The following PREX2 variants were observed in gnomAD, a reference collection of about 807,000 sequenced individuals.
PREX2 encodes phosphatidylinositol 3,4,5-trisphosphate-dependent Rac exchanger 2 protein.
PREX2 carries 107 observed loss-of-function variants against 203.2 expected under a neutral mutation model. That is an observed-to-expected ratio of 0.53 (90% confidence interval 0.45 to 0.62). The LOEUF (loss-of-function observed/expected upper bound fraction) is 0.62, where lower values mean the gene tolerates loss of function less well. PREX2 is among the 20% of genes least tolerant of loss of function. The pLI is 0.00. For synonymous variants in PREX2, 672 were observed against 663.6 expected, an observed-to-expected ratio of 1.01 and a Z score of -0.19; for missense variants, 1,777 against 1,955.9, an observed-to-expected ratio of 0.91 and a Z score of 1.72.
At chr8:68,181,211 G>A (rs1025783949) in intron 35 of PREX2, among the ~76,000 whole-genome samples, 2 of 152,022 alleles carry the variant, frequency 1.3e-5, no homozygotes, top group African/African-American at 2.4e-5. Flanking sequence ...ACCTTTGATC[G>A]GTCTGTTCAT....
At chr8:68,128,901 G>A (rs777414942) in intron 31 of PREX2, among the ~76,000 whole-genome samples, 1 of 152,138 alleles carries the variant, frequency 6.6e-6, no homozygotes, top group Non-Finnish European at 1.5e-5. Flanking sequence ...AACCAACAAG[G>A]CTTTTTTATT....
intron 14 of PREX2, among the ~76,000 whole-genome samples, chr8:68,076,453 T>C (rs1809351607): frequency 6.7e-6 from 1 of 148,862 alleles, no homozygotes; most frequent in South Asian, 2.2e-4. Context: ...TGAGACTCCA[T>C]CTTAAAAAAA....
chr8:67,978,374 C>T (rs980755857), intron 1 of PREX2, among the ~76,000 whole-genome samples: 6 of 152,192 alleles, frequency 3.9e-5, no homozygotes, highest in African/African-American at 1.4e-4. Flanking sequence ...TCCCTTTCAG[C>T]AACAGCCATC....
chr8:68,184,267 A>G (rs1052522879), intron 35 of PREX2, among the ~76,000 whole-genome samples: 1 of 152,126 alleles, frequency 6.6e-6, no homozygotes, highest in Non-Finnish European at 1.5e-5. Context: ...AGAATTTTTT[A>G]TAGATTTATA....
intron 35 of PREX2, among the ~76,000 whole-genome samples, chr8:68,165,234 A>G (rs1436307139): frequency 1.3e-5 from 2 of 152,028 alleles, no homozygotes. Context: ...TTTAAAGAAA[A>G]TGGTCGGATC....
chr8:68,106,193 C>T (rs1810406929), intron 23 of PREX2: 4 of 408,038 alleles, frequency 9.8e-6, no homozygotes, highest in Non-Finnish European at 1.4e-5. Context: ...ATGGTGGATG[C>T]TGTTACCTAA....
rs1241153436 is a variant in PREX2, at chr8:68,127,436, TA to T, written c.3766+18del. On this transcript the variant is annotated intron_variant, in intron 31 of 39. Coordinates refer to ENST00000288368, the MANE Select transcript of PREX2 (RefSeq NM_024870.4). ...AATATTCAGGTAACATTTTGCATTT[TA>T]TTTTTTTTTACTATTTAAGTGATTG... 6.3e-7 allele frequency: 1 copy of T among 1,589,994 alleles called. No individual in the cohort carries two copies. The highest frequency in any genetic ancestry group is 1.3e-5 in the African/African-American group (1 of 74,404).
intron 4 of PREX2, among the ~76,000 whole-genome samples, chr8:68,025,197 T>A (rs1468560301): frequency 6.6e-6 from 1 of 151,924 alleles, no homozygotes; most frequent in East Asian, 1.9e-4. Flanking sequence ...CTCAGTCTTT[T>A]TTTTTATTTT....
intron 1 of PREX2, among the ~76,000 whole-genome samples, chr8:67,982,795 CAG>C (rs1299964752): frequency 2.0e-5 from 3 of 152,126 alleles, no homozygotes; most frequent in African/African-American, 7.2e-5. Flanking sequence ...AATGGGATTA[CAG>C]TTTCTTTTAA....
At chr8:68,039,806 C>G (rs142419938) in intron 7 of PREX2, among the ~76,000 whole-genome samples, 2 of 152,256 alleles carry the variant, frequency 1.3e-5, no homozygotes, top group African/African-American at 2.4e-5. Flanking sequence ...TTACAAACAT[C>G]TCTCCACATC....
chr8:67,962,529 T>C (rs1033544188), intron 1 of PREX2, among the ~76,000 whole-genome samples: 53 of 151,768 alleles, frequency 3.5e-4, no homozygotes, highest in Non-Finnish European at 6.8e-4. Context: ...GGGCTTTCAT[T>C]TTCTATACTG....
intron 23 of PREX2, among the ~76,000 whole-genome samples, chr8:68,107,907 G>A (rs1191754289): frequency 2.0e-5 from 3 of 152,170 alleles, no homozygotes; most frequent in Non-Finnish European, 4.4e-5. Context: ...TGCATTTGCT[G>A]CTTATATTGC....
chr8:68,000,672 C>T (rs753196831), intron 1 of PREX2, among the ~76,000 whole-genome samples: 19 of 152,096 alleles, frequency 1.2e-4, no homozygotes, highest in Non-Finnish European at 1.8e-4. Flanking sequence ...CAAAGCTGGA[C>T]GCATCACAGT....
chr8:68,082,342 C>T (rs528402232), intron 17 of PREX2: 3 of 152,278 alleles, frequency 2.0e-5, no homozygotes, highest in South Asian at 4.2e-4. Flanking sequence ...TAAACTGTCA[C>T]CCATCCTCCT....
intron 39 of PREX2, 68 bp downstream of exon 39, chr8:68,224,694 C>A (rs185925949): frequency 3.4e-6 from 4 of 1,173,438 alleles, no homozygotes; most frequent in Admixed American, 1.8e-5. Flanking sequence ...AGTGTCCCTC[C>A]GCTAATGCAA....
chr8:67,952,736 C>T (rs1047955610), intron 1 of PREX2: 4 of 713,016 alleles, frequency 5.6e-6, no homozygotes, highest in African/African-American at 1.8e-5. Context: ...CCCCGAGACT[C>T]ACTGAGTTGC....
At chr8:68,141,412 C>T (rs945685707) in intron 33 of PREX2, among the ~76,000 whole-genome samples, 4 of 152,072 alleles carry the variant, frequency 2.6e-5, no homozygotes, top group Non-Finnish European at 5.9e-5. Flanking sequence ...TTCCTGTCTT[C>T]ATGGAGCTGA....
intron 22 of PREX2, among the ~76,000 whole-genome samples, chr8:68,097,740 G>A (rs934741506): frequency 2.6e-5 from 4 of 152,228 alleles, no homozygotes; most frequent in African/African-American, 9.6e-5. Flanking sequence ...GCTTAGGCAG[G>A]TGTTCATTGA....
At chr8:68,211,631 T>G (rs892795664) in intron 37 of PREX2, among the ~76,000 whole-genome samples, 1 of 152,180 alleles carries the variant, frequency 6.6e-6, no homozygotes, top group Non-Finnish European at 1.5e-5. Flanking sequence ...TGGGTACAGC[T>G]CCATAAGATT....
Sources: allele counts gnomAD v4.1 joint callset (sites outside exome capture counted in the v4.1 genomes callset), GRCh38; gene constraint gnomAD v4.1.1; transcripts MANE v1.5; gene names NCBI Gene and HGNC (gene_info 2026-07-23, HGNC 2026-07-21).